The following SEMA5A variants were observed in gnomAD, a reference collection of about 807,000 sequenced individuals.
The protein encoded by SEMA5A is semaphorin 5A.
SEMA5A carries 55 observed loss-of-function variants against 135.5 expected under a neutral mutation model. The observed-to-expected ratio is 0.41, with a 90% CI of 0.33 to 0.51. SEMA5A has a LOEUF of 0.51. Among genes scored for constraint, SEMA5A ranks in the 20% least tolerant of loss-of-function variants. The pLI, the probability that SEMA5A is intolerant of heterozygous loss-of-function variation, is 0.37. For synonymous variants in SEMA5A, 580 were observed against 546.5 expected, an observed-to-expected ratio of 1.06 and a Z score of -0.85; for missense variants, 1,290 against 1,419.9, an observed-to-expected ratio of 0.91 and a Z score of 1.47.
chr5:9,076,180 G>A (rs1484642728), intron 16 of SEMA5A, among the ~76,000 whole-genome samples: 1 of 141,742 alleles, frequency 7.1e-6, no homozygotes, highest in Admixed American at 7.5e-5. Context: ...ACTCCAACCT[G>A]GTGAGAGAGT....
At chr5:9,533,084 C>G (rs1737547354) in intron 1 of SEMA5A, among the ~76,000 whole-genome samples, 1 of 152,196 alleles carries the variant, frequency 6.6e-6, no homozygotes, top group Non-Finnish European at 1.5e-5. Flanking sequence ...GCCATCAATC[C>G]TAGTGTTAGA....
At chr5:9,503,813 C>A (rs566329023) in intron 1 of SEMA5A, among the ~76,000 whole-genome samples, 221 of 152,244 alleles carry the variant, frequency 1.5e-3, no homozygotes, top group African/African-American at 5.2e-3. Flanking sequence ...TATTTAAAAC[C>A]CAAAGATTTG....
chr5:9,502,615 A>G (rs1409700691), intron 1 of SEMA5A, among the ~76,000 whole-genome samples: 1 of 151,496 alleles, frequency 6.6e-6, no homozygotes, highest in East Asian at 2.0e-4. Context: ...AGTCCTGCCC[A>G]AGGAAACATG....
chr5:9,113,155 T>C (rs1740333624), intron 15 of SEMA5A, among the ~76,000 whole-genome samples: 1 of 152,152 alleles, frequency 6.6e-6, no homozygotes. Flanking sequence ...ATAGACACCA[T>C]GAGCAAATAA....
chr5:9,205,435 A>T (rs932914536), intron 8 of SEMA5A, among the ~76,000 whole-genome samples: 1 of 152,192 alleles, frequency 6.6e-6, no homozygotes, highest in African/African-American at 2.4e-5. Context: ...GGCCAACCAT[A>T]GCCTCAGAGA....
At chr5:9,275,583 C>A (rs1305069228) in intron 5 of SEMA5A, among the ~76,000 whole-genome samples, 1 of 152,134 alleles carries the variant, frequency 6.6e-6, no homozygotes. Context: ...TGAAAATCCT[C>A]AATAAAATAC....
At chr5:9,133,784 C>T (rs78672178) in intron 13 of SEMA5A, among the ~76,000 whole-genome samples, 8 of 142,840 alleles carry the variant, frequency 5.6e-5, no homozygotes, top group Non-Finnish European at 1.1e-4. Flanking sequence ...TTCTTTCTTT[C>T]TTTTTTTTTT....
chr5:9,339,274 G>A (rs375992753), intron 3 of SEMA5A, among the ~76,000 whole-genome samples: 45 of 152,280 alleles, frequency 3.0e-4, no homozygotes, highest in African/African-American at 9.9e-4. Context: ...ATTCTTATAT[G>A]AAAAGAAGAG....
At chr5:9,527,631 T>C (rs1023813891) in intron 1 of SEMA5A, among the ~76,000 whole-genome samples, 1 of 152,244 alleles carries the variant, frequency 6.6e-6, no homozygotes, top group Non-Finnish European at 1.5e-5. Context: ...TCTTGAATCA[T>C]CACAAAGTAA....
At chr5:9,421,204 G>C (rs1319610462) in intron 2 of SEMA5A, among the ~76,000 whole-genome samples, 2 of 152,082 alleles carry the variant, frequency 1.3e-5, no homozygotes, top group Non-Finnish European at 2.9e-5. Flanking sequence ...TACAAATACA[G>C]GTATTCAGAC....
intron 1 of SEMA5A, among the ~76,000 whole-genome samples, chr5:9,439,761 C>T (rs891449051): frequency 1.3e-5 from 2 of 152,220 alleles, no homozygotes; most frequent in Admixed American, 6.5e-5. Flanking sequence ...CAGCCTGGAC[C>T]GCCAGACAGT....
chr5:9,198,384 C>A (rs1248413862), intron 9 of SEMA5A, among the ~76,000 whole-genome samples: 1 of 152,158 alleles, frequency 6.6e-6, no homozygotes, highest in Non-Finnish European at 1.5e-5. Flanking sequence ...CCAATGTCAG[C>A]CAGCTACTAA....
At chr5:9,161,204 A>G (rs148170568) in intron 11 of SEMA5A, among the ~76,000 whole-genome samples, 190 of 152,244 alleles carry the variant, frequency 1.2e-3, no homozygotes, top group African/African-American at 4.3e-3. Flanking sequence ...TAAAGCTACC[A>G]GGATAAATTC....
intron 5 of SEMA5A, among the ~76,000 whole-genome samples, chr5:9,315,923 C>T (rs1470846827): frequency 6.6e-6 from 1 of 152,136 alleles, no homozygotes; most frequent in Non-Finnish European, 1.5e-5. Context: ...AATATCCTGG[C>T]TGTCATCAAA....
At chr5:9,149,987 T>C (rs1413060843) in intron 12 of SEMA5A, among the ~76,000 whole-genome samples, 3 of 152,172 alleles carry the variant, frequency 2.0e-5, no homozygotes. Context: ...TGCCTCCTCA[T>C]GGAGACTTTT....
chr5:9,196,582 T>G (rs909314583), intron 10 of SEMA5A, among the ~76,000 whole-genome samples: 3 of 152,166 alleles, frequency 2.0e-5, no homozygotes, highest in Admixed American at 2.0e-4. Context: ...AATTGCTTCA[T>G]CTCTTTGGGT....
At chr5:9,461,845 G>C (rs1759068461) in intron 1 of SEMA5A, among the ~76,000 whole-genome samples, 2 of 152,196 alleles carry the variant, frequency 1.3e-5, no homozygotes. Flanking sequence ...ACATATGTAT[G>C]AACGTACTCC....
At chr5:9,375,841 C>G (rs541100907) in intron 3 of SEMA5A, among the ~76,000 whole-genome samples, 2 of 151,834 alleles carry the variant, frequency 1.3e-5, no homozygotes, top group Non-Finnish European at 2.9e-5. Context: ...ATTCTTGGTT[C>G]TCAGAAAGGC....
chr5:9,291,414 G>A (rs1751070893), intron 5 of SEMA5A, among the ~76,000 whole-genome samples: 1 of 152,112 alleles, frequency 6.6e-6, no homozygotes, highest in Non-Finnish European at 1.5e-5. Context: ...GAGCTCCTTT[G>A]CCAGTTCCAG....
Sources: gnomAD v4.1 joint callset for allele counts (sites outside exome capture counted in the v4.1 genomes callset) on GRCh38, gnomAD v4.1.1 for gene constraint, MANE v1.5 for transcripts, NCBI Gene and HGNC (gene_info 2026-07-23, HGNC 2026-07-21) for gene names.